WDPCP: variants seen among roughly 807,000 people sequenced by gnomAD.
WDPCP encodes the protein WD repeat containing planar cell polarity effector.
A neutral mutation model predicts 93.1 loss-of-function variants in WDPCP; 71 were observed. The ratio of observed to expected loss-of-function variants is 0.76; its 90% CI spans 0.63 to 0.93. The LOEUF (loss-of-function observed/expected upper bound fraction) is 0.93, where lower values mean the gene tolerates loss of function less well. WDPCP is among the 40% of genes least tolerant of loss of function. The pLI is 0.00. For missense variants in WDPCP, 844 were observed against 887.4 expected (o/e 0.95, Z 0.62); for synonymous variants, 315 against 315.0 (o/e 1.00, Z 0.00).
chr2:63,176,103 T>C, intron 14 of WDPCP, among the ~76,000 whole-genome samples: 1 of 152,352 alleles, frequency 6.6e-6, no homozygotes, highest in East Asian at 1.9e-4. Context: ...TTTTCTGTTT[T>C]TTTAAAACTA....
chr2:63,382,952 G>C (rs2104912500), intron 10 of WDPCP, among the ~76,000 whole-genome samples: 1 of 152,202 alleles, frequency 6.6e-6, no homozygotes, highest in African/African-American at 2.4e-5. Context: ...AATCAGGGTG[G>C]TTCCTTGGCA....
At chr2:63,279,718 C>G (rs1214093886) in intron 13 of WDPCP, among the ~76,000 whole-genome samples, 1 of 152,068 alleles carries the variant, frequency 6.6e-6, no homozygotes, top group Non-Finnish European at 1.5e-5. Context: ...ACCTTAAAGA[C>G]ACTCCAAAAA....
At chr2:63,442,343 T>A (rs975284578) in intron 6 of WDPCP, 1 of 152,182 alleles carries the variant, frequency 6.6e-6, no homozygotes, top group African/African-American at 2.4e-5. Flanking sequence ...TTTAGAATAA[T>A]GCCTGGCACA....
intron 16 of WDPCP, 196 bp from the exon 17 acceptor site, chr2:63,153,141 C>T: frequency 3.3e-6 from 2 of 602,496 alleles, no homozygotes; most frequent in South Asian, 4.1e-5. Context: ...TGTATGGCTA[C>T]CTTGCATTAC....
intron 3 of WDPCP, among the ~76,000 whole-genome samples, chr2:63,609,702 A>G (rs1003822327): frequency 6.6e-6 from 1 of 151,916 alleles, no homozygotes; most frequent in Admixed American, 6.6e-5. Flanking sequence ...GTGAGACCCC[A>G]TCTCTACTAA....
At chr2:63,144,907 G>A (rs1243647322) in intron 17 of WDPCP, among the ~76,000 whole-genome samples, 1 of 152,128 alleles carries the variant, frequency 6.6e-6, no homozygotes, top group Non-Finnish European at 1.5e-5. Context: ...GAAGGTTTAG[G>A]GCTGAAGGCT....
At chr2:63,702,315 C>T (rs1432727139) in intron 2 of WDPCP, among the ~76,000 whole-genome samples, 20 of 152,080 alleles carry the variant, frequency 1.3e-4, no homozygotes, top group African/African-American at 3.1e-4. Context: ...CGTGAGCCAC[C>T]GTGCCCAGCC....
At chr2:63,643,464 C>A in intron 3 of WDPCP, 1 of 340,694 alleles carries the variant, frequency 2.9e-6, no homozygotes. Context: ...GATGTCTCTC[C>A]CTGGTTATCC....
rs528169788 is a variant in WDPCP, at chr2:63,563,336, A to G, written c.75+24861T>C. On this transcript the variant is annotated intron_variant, in intron 1 of 17. Transcript: ENST00000272321. ...ATAACAAGTCCTCTGCTTGTTGAAAAATAGCATCATTTAATGGAATAACCA... is the reference window on the plus strand; with the variant it reads ...ATAACAAGTCCTCTGCTTGTTGAAAGATAGCATCATTTAATGGAATAACCA... Among the ~76,000 whole-genome samples, 176 of 152,064 alleles carry G rather than the reference A, an allele frequency of 1.2e-3. 3 individuals are homozygous for G. In the South Asian group the frequency reaches 0.036, roughly 31 times the overall value.
intron 3 of WDPCP, among the ~76,000 whole-genome samples, chr2:63,603,107 A>G (rs1709459569): frequency 6.6e-6 from 1 of 151,674 alleles, no homozygotes; most frequent in South Asian, 2.1e-4. Context: ...TTACAGGCAC[A>G]CGCTGCCACA....
intron 3 of WDPCP, among the ~76,000 whole-genome samples, chr2:63,620,963 A>C (rs1275251559): frequency 6.6e-6 from 1 of 152,214 alleles, no homozygotes; most frequent in Non-Finnish European, 1.5e-5. Flanking sequence ...ACAGAAAACA[A>C]TAGCATCAAC....
chr2:63,421,797 G>A (rs1165703615), intron 9 of WDPCP, among the ~76,000 whole-genome samples: 4 of 152,134 alleles, frequency 2.6e-5, no homozygotes, highest in Admixed American at 2.6e-4. Flanking sequence ...TACATGTAGT[G>A]GTAGTAATAG....
chr2:63,788,489 G>A (rs1386657829), intron 2 of WDPCP, among the ~76,000 whole-genome samples: 1 of 152,102 alleles, frequency 6.6e-6, no homozygotes, highest in African/African-American at 2.4e-5. Context: ...CTACAACTTG[G>A]AGCACATCTT....
chr2:63,293,170 C>A (rs1386391168), intron 13 of WDPCP, among the ~76,000 whole-genome samples: 1 of 152,130 alleles, frequency 6.6e-6, no homozygotes, highest in African/African-American at 2.4e-5. Flanking sequence ...TCATTACCCC[C>A]TTCATTTTTC....
At chr2:63,784,604 A>T (rs1419323395) in intron 2 of WDPCP, among the ~76,000 whole-genome samples, 1 of 140,212 alleles carries the variant, frequency 7.1e-6, no homozygotes, top group Non-Finnish European at 1.6e-5. Flanking sequence ...GTGTGTGTGA[A>T]TATGAAACTT....
intron 12 of WDPCP, among the ~76,000 whole-genome samples, chr2:63,375,840 A>G (rs6741817): frequency 0.8 from 121,444 of 151,832 alleles, 49,427 homozygotes; most frequent in East Asian, 0.96. Flanking sequence ...ATCCAATCCA[A>G]ATTCAGGCAA....
intron 12 of WDPCP, among the ~76,000 whole-genome samples, chr2:63,365,581 G>T (rs1277394260): frequency 6.6e-6 from 1 of 151,934 alleles, no homozygotes; most frequent in Non-Finnish European, 1.5e-5. Context: ...GCATTTTTGG[G>T]GTAGCCCTTC....
At chr2:63,540,519 A>T (rs1028657458) in intron 1 of WDPCP, among the ~76,000 whole-genome samples, 1 of 152,176 alleles carries the variant, frequency 6.6e-6, no homozygotes, top group African/African-American at 2.4e-5. Context: ...GTTCACCAAG[A>T]AGCACCTCTA....
In WDPCP at chr2:63,281,229, A is replaced by G. The variant is rs137905808; in HGVS notation, c.1813-21820T>C. 1.2e-4 allele frequency among the ~76,000 whole-genome samples: 18 copies of G among 152,360 alleles called. No individual in the cohort carries two copies. In the East Asian group the frequency reaches 3.3e-3, roughly 28 times the overall value. On this transcript the variant is annotated intron_variant, in intron 13 of 17. Coordinates refer to ENST00000272321, the MANE Select transcript of WDPCP (RefSeq NM_015910.7). Reference sequence around the variant, plus strand: ...CAAATGGCCAACAAGCATATGGGAAAATGCTTAACATCACTAATTATCAGG... The same window carrying G: ...CAAATGGCCAACAAGCATATGGGAAGATGCTTAACATCACTAATTATCAGG...
Sources: allele counts gnomAD v4.1 joint callset (sites outside exome capture counted in the v4.1 genomes callset), GRCh38; gene constraint gnomAD v4.1.1; transcripts MANE v1.5; gene names NCBI Gene and HGNC (gene_info 2026-07-23, HGNC 2026-07-21).